Variants in PCDHGA5 observed in about 807,000 individuals in gnomAD.
The protein encoded by PCDHGA5 is protocadherin gamma-A5.
In PCDHGA5, 36 loss-of-function variants were observed where a neutral mutation model predicts 56.7. The ratio of observed to expected loss-of-function variants is 0.64; its 90% confidence interval spans 0.49 to 0.84. The LOEUF is 0.84. Among genes scored for constraint, PCDHGA5 ranks in the 40% least tolerant of loss-of-function variants. PCDHGA5 has a pLI of 0.00. For synonymous variants in PCDHGA5, 563 were observed against 520.2 expected (o/e 1.08, Z -1.12); for missense variants, 1,305 against 1,201.5 (o/e 1.09, Z -1.27).
rs1178101439 is a variant in PCDHGA5, at chr5:141,443,790, T to C, written c.2422-51017T>C. On this transcript the variant is annotated intron_variant, in intron 1 of 3. Coordinates refer to ENST00000518069, the MANE Select transcript of PCDHGA5 (RefSeq NM_018918.3). Reference sequence around the variant, plus strand: ...AATATTACCAAAAAGACAAAAAAAATGAAAAGGAAACAGTTACCTTTGGAA... The same window carrying C: ...AATATTACCAAAAAGACAAAAAAAACGAAAAGGAAACAGTTACCTTTGGAA... Among the ~76,000 whole-genome samples, 6 of 151,950 alleles carry C rather than the reference T, an allele frequency of 3.9e-5. No homozygotes were observed. The East Asian group carries it at 1.2e-3, about 29-fold the overall frequency.
At chr5:141,383,007 G>T (rs1047921009) in intron 1 of PCDHGA5, 1 of 1,613,748 alleles carries the variant, frequency 6.2e-7, no homozygotes, top group Admixed American at 1.7e-5. Context: ...ACTCCGTGTC[G>T]GAGGAGACGG....
rs572457971 is a variant in PCDHGA5, at chr5:141,426,319, C to T, written c.2421+59568C>T. The T allele has an allele frequency of 1.5e-3, 257 of 175,598 alleles. 1 individual carries two copies. Among genetic ancestry groups the T allele is most frequent in the Non-Finnish European group, 1.2e-3 (99 of 79,820 alleles). 10.9% of individuals were successfully genotyped at this position (175,598 alleles called of 1,614,324 possible). ...CAGGGTGAAGCAGAGAAGCAGGACC[C>T]GGCAGTGGCAAGCACTCTTCCCTTT... is the stretch of plus-strand genomic sequence containing the variant. On this transcript the variant is annotated intron_variant, in intron 1 of 3. Coordinates refer to ENST00000518069, the MANE Select transcript of PCDHGA5 (RefSeq NM_018918.3).
intron 1 of PCDHGA5, among the ~76,000 whole-genome samples, chr5:141,475,237 G>C (rs2099360785): frequency 6.6e-6 from 1 of 152,234 alleles, no homozygotes. Flanking sequence ...AAACGATAGA[G>C]AGAGTGTGCT....
At chr5:141,368,813 A>G (rs529134948) in intron 1 of PCDHGA5, among the ~76,000 whole-genome samples, 1 of 152,204 alleles carries the variant, frequency 6.6e-6, no homozygotes, top group African/African-American at 2.4e-5. Flanking sequence ...TGAAGTGTTC[A>G]TACAATGAAC....
Position 141,477,160 on chromosome 5 carries a change from C to A in PCDHGA5, c.2422-17647C>A, listed in dbSNP as rs768436526. The A allele has an allele frequency of 1.9e-5, 31 of 1,614,068 alleles. No homozygotes were observed. The African/African-American group carries it at 3.6e-4, about 19-fold the overall frequency. On this transcript the variant is annotated intron_variant, in intron 1 of 3. Coordinates refer to ENST00000518069, the MANE Select transcript of PCDHGA5 (RefSeq NM_018918.3). This position sits in a 1 kb window ranked among gnomAD's most constrained non-coding sequence, Gnocchi z 4.9. ...TGGAGGTTGTGGATGTGAATGACAA[C>A]GCCCCGGAGATCACAGTCACCTCCG...
rs770419617 is a variant in PCDHGA5, at chr5:141,421,523, C to T, written c.2421+54772C>T. The T allele has an allele frequency of 2.5e-6, 4 of 1,614,034 alleles. No homozygotes were observed. In the Admixed American group the frequency reaches 5.0e-5, roughly 20 times the overall value. ...ATAGACCGGGAGGAGCTCTGTGAGA[C>T]GGTGTCCTCCTGTTTTTTAAATATG... On this transcript the variant is annotated intron_variant, in intron 1 of 3. Transcript: ENST00000518069.
At position 141,418,815 on chromosome 5, in the gene PCDHGA5, T is replaced by C. The variant is rs368396202; in HGVS notation, c.2421+52064T>C. The stretch of plus-strand genomic sequence containing the variant: ...GAAGTAGAAAGATATACGATAAACA[T>C]AGAAGCAAAAGACCGAGGATCTCTC... On this transcript the variant is annotated intron_variant, in intron 1 of 3. Transcript: ENST00000518069. 509 of 1,613,744 alleles carry C rather than the reference T, an allele frequency of 3.2e-4. No homozygotes were observed. The highest frequency in any genetic ancestry group is 4.1e-4 in the Non-Finnish European group (488 of 1,179,804).
At position 141,505,489 on chromosome 5, in the gene PCDHGA5, G is replaced by A. The variant is rs759637750; in HGVS notation, c.2569+8G>A. On this transcript the variant is annotated splice_region_variant and intron_variant, in intron 3 of 3. Coordinates refer to ENST00000518069, the MANE Select transcript of PCDHGA5 (RefSeq NM_018918.3). ...TCTTGGCGTCCGCCAGTGGTAAGTG[G>A]TGTCAGTGTGTGTATGGAAGAGTGG... The A allele has an allele frequency of 6.2e-7, 1 of 1,614,218 alleles. No homozygotes were observed. The highest frequency in any genetic ancestry group is 1.7e-5 in the Admixed American group (1 of 60,032).
At chr5:141,461,893 G>A (rs2099025951) in intron 1 of PCDHGA5, among the ~76,000 whole-genome samples, 1 of 151,772 alleles carries the variant, frequency 6.6e-6, no homozygotes, top group African/African-American at 2.4e-5. Context: ...GCACGATCTC[G>A]GCTCACTGCA....
chr5:141,365,864 G>A lies in PCDHGA5; in HGVS notation c.1534G>A (p.Gly512Ser), dbSNP rs753111294. 9 of 1,614,004 alleles carry A rather than the reference G, an allele frequency of 5.6e-6. No individual in the cohort carries two copies. In the Admixed American group the frequency reaches 6.7e-5, roughly 12 times the overall value. Reference protein sequence around the residue: ...SSYVSINSDTGVLYALRSFDY... With the variant: ...SSYVSINSDTSVLYALRSFDY... ...CTATGTATCCATTAACTCTGACACC[G>A]GTGTCCTGTATGCTCTGAGATCCTT... is the stretch of plus-strand genomic sequence containing the variant. Residue 512 changes from glycine to serine, a missense_variant, in exon 1 of 4, where the codon GGT becomes AGT. Coordinates refer to ENST00000518069, the MANE Select transcript of PCDHGA5 (RefSeq NM_018918.3).
chr5:141,408,694 A>T (rs2095152952), intron 1 of PCDHGA5: 1 of 1,613,772 alleles, frequency 6.2e-7, no homozygotes, highest in African/African-American at 1.3e-5. Flanking sequence ...ATATAAACAT[A>T]AACTCAATTA....
intron 1 of PCDHGA5, among the ~76,000 whole-genome samples, chr5:141,405,886 CCAACACTGAAAGGAGG>C (rs1168478788): frequency 1.3e-5 from 2 of 152,086 alleles, no homozygotes; most frequent in African/African-American, 4.8e-5. Context: ...AATTGTTGCT[CCAACACTGAAAGGAGG>C]CATTTATTAG....
At position 141,384,937 on chromosome 5, in the gene PCDHGA5, C is replaced by T. The variant is rs373048330; in HGVS notation, c.2421+18186C>T. ...CTTGGCCGACCTGGGCAGCCTTGAG[C>T]CCTCCGACGGTCCTTACAACTATGA... On this transcript the variant is annotated intron_variant, in intron 1 of 3. Coordinates refer to ENST00000518069, the MANE Select transcript of PCDHGA5 (RefSeq NM_018918.3). 4.5e-5 allele frequency: 72 copies of T among 1,613,950 alleles called. No homozygotes were observed. The highest frequency in any genetic ancestry group is 2.3e-4 in the Admixed American group (14 of 60,012).
rs761086416 is a variant in PCDHGA5 at position 141,366,726 on chromosome 5, C to G, written c.2396C>G (p.Ala799Gly). Residue 799 changes from alanine (A) to glycine (G), a missense_variant, in exon 1 of 4, where the codon GCA becomes GGA. Transcript: ENST00000518069. Reference sequence around the variant, plus strand: ...CTTCTGATGTCTGATAAGGTAGATGCAAACAAAGAAGAACGGCGAGTTCAG... The same window carrying G: ...CTTCTGATGTCTGATAAGGTAGATGGAAACAAAGAAGAACGGCGAGTTCAG... ...EPLLMSDKVDANKEERRVQQA... is the reference protein window; with the variant it reads ...EPLLMSDKVDGNKEERRVQQA... 1.9e-6 allele frequency: 3 copies of G among 1,613,226 alleles called. No homozygotes were observed. Among genetic ancestry groups the G allele is most frequent in the Admixed American group, 3.3e-5 (2 of 59,980 alleles).
chr5:141,427,998 C>T, intron 1 of PCDHGA5: 1 of 1,600,956 alleles, frequency 6.2e-7, no homozygotes, highest in Non-Finnish European at 8.6e-7. Flanking sequence ...TGGCTCCGCA[C>T]TCTTCGATAT....
At chr5:141,502,480 AC>A (rs145333712) in intron 2 of PCDHGA5, among the ~76,000 whole-genome samples, 7,822 of 152,242 alleles carry the variant, frequency 0.051, 439 homozygotes, top group African/African-American at 0.14. Flanking sequence ...GCAGCATCAC[AC>A]TGGGACTCAT....
chr5:141,421,233 G>T (rs201076931), intron 1 of PCDHGA5: 2 of 1,592,240 alleles, frequency 1.3e-6, no homozygotes, highest in Non-Finnish European at 1.7e-6. Flanking sequence ...CTGCCATGGC[G>T]AATCGGCTAC....
chr5:141,389,747 G>A (rs766506538), intron 1 of PCDHGA5: 38 of 1,612,722 alleles, frequency 2.4e-5, no homozygotes, highest in Admixed American at 2.2e-4. Context: ...GGCTGCGCAC[G>A]GGCGAAGTGC....
intron 1 of PCDHGA5, chr5:141,427,176 G>A (rs777424789): frequency 2.2e-6 from 1 of 456,742 alleles, no homozygotes; most frequent in Non-Finnish European, 4.4e-6. Context: ...TCAAAATGGG[G>A]AAATTAAATC....
Sources: allele counts gnomAD v4.1 joint callset (sites outside exome capture counted in the v4.1 genomes callset), GRCh38; gene constraint gnomAD v4.1.1; non-coding constraint Gnocchi (gnomAD v3.1); transcripts MANE v1.5; gene names NCBI Gene and HGNC (gene_info 2026-07-23, HGNC 2026-07-21).